ICA1: variants seen among roughly 807,000 people sequenced by gnomAD.
ICA1 encodes islet cell autoantigen 1.
Under a neutral mutation model 71.0 loss-of-function variants are expected in ICA1, and 40 were observed. The ratio of observed to expected loss-of-function variants is 0.56; its 90% CI spans 0.44 to 0.73. ICA1 has a LOEUF of 0.73. Ranked by LOEUF, ICA1 falls within the 30% of genes least tolerant of loss-of-function variation. The pLI is 0.00. For synonymous variants in ICA1, 207 were observed against 209.5 expected, an observed-to-expected ratio of 0.99 and a Z score of 0.10; for missense variants, 578 against 576.5, an observed-to-expected ratio of 1.00 and a Z score of -0.03.
chr7:8,154,093 G>A (rs1399188577), intron 8 of ICA1, among the ~76,000 whole-genome samples: 2 of 151,996 alleles, frequency 1.3e-5, no homozygotes. Flanking sequence ...GAATGTGTCA[G>A]TAAAAGTAGA....
At chr7:8,163,642 G>GCT (rs1412614010) in intron 6 of ICA1, among the ~76,000 whole-genome samples, 1 of 152,342 alleles carries the variant, frequency 6.6e-6, no homozygotes. Context: ...AGGACATGGT[G>GCT]CTCAACCTCT....
intron 1 of ICA1, among the ~76,000 whole-genome samples, chr7:8,254,965 C>T (rs556701350): frequency 3.9e-5 from 6 of 152,224 alleles, no homozygotes; most frequent in East Asian, 1.9e-4. Flanking sequence ...CTTGGCACTG[C>T]GCTGGGCACC....
At chr7:8,216,137 G>A (rs1028693289) in intron 6 of ICA1, among the ~76,000 whole-genome samples, 6 of 152,218 alleles carry the variant, frequency 3.9e-5, no homozygotes, top group Non-Finnish European at 7.3e-5. Flanking sequence ...CAAATGGCGG[G>A]AATGCCCTAC....
chr7:8,196,781 T>C (rs910096912), intron 6 of ICA1, among the ~76,000 whole-genome samples: 1 of 152,216 alleles, frequency 6.6e-6, no homozygotes, highest in African/African-American at 2.4e-5. Context: ...CCTTGAATTG[T>C]AGTAATTCAA....
rs539329801 is a variant in ICA1 at position 8,167,690 on chromosome 7, C to T, written c.580-9038G>A. Reference sequence around the variant, plus strand: ...AATTTTCTTCTCTTTACTTTAATAACGTGGTTTAAATGGGGGGTGGCAAGC... The same window carrying T: ...AATTTTCTTCTCTTTACTTTAATAATGTGGTTTAAATGGGGGGTGGCAAGC... On this transcript the variant is annotated intron_variant, in intron 6 of 13. Transcript: ENST00000402384. Among the ~76,000 whole-genome samples the T allele has an allele frequency of 7.2e-5, 11 of 152,144 alleles. No homozygotes were observed. In the East Asian group the frequency reaches 7.7e-4, roughly 11 times the overall value.
intron 1 of ICA1, among the ~76,000 whole-genome samples, chr7:8,250,750 G>A (rs1807881249): frequency 6.6e-6 from 1 of 152,162 alleles, no homozygotes; most frequent in African/African-American, 2.4e-5. Context: ...AATTTTGTGA[G>A]TCAGCAAATA....
intron 6 of ICA1, 69 bp downstream of exon 6, chr7:8,218,236 G>A (rs1222778017): frequency 2.0e-5 from 27 of 1,342,540 alleles, no homozygotes; most frequent in Non-Finnish European, 2.8e-5. Context: ...CTTCACCAGA[G>A]GGATTCAAAT....
chr7:8,254,627 G>T (rs897320626), intron 1 of ICA1, among the ~76,000 whole-genome samples: 1 of 151,318 alleles, frequency 6.6e-6, no homozygotes, highest in Non-Finnish European at 1.5e-5. Context: ...TATTTTGATG[G>T]GGGTCAGGAA....
intron 4 of ICA1, among the ~76,000 whole-genome samples, chr7:8,225,416 A>G (rs960700957): frequency 6.6e-6 from 1 of 152,196 alleles, no homozygotes; most frequent in Non-Finnish European, 1.5e-5. Context: ...TGTCCTTTCA[A>G]CATATCCTTT....
chr7:8,184,498 G>C (rs904351910), intron 6 of ICA1, among the ~76,000 whole-genome samples: 2 of 152,238 alleles, frequency 1.3e-5, no homozygotes, highest in Admixed American at 6.5e-5. Flanking sequence ...GGTTGGAGAG[G>C]GGAGGAAATT....
rs563739126 is a variant in ICA1 at position 8,144,484 on chromosome 7, C to A, written c.805-512G>T. 2.6e-5 allele frequency among the ~76,000 whole-genome samples: 4 copies of A among 152,134 alleles called. No homozygotes were observed. Among genetic ancestry groups the A allele is most frequent in the Non-Finnish European group, 4.4e-5 (3 of 68,002 alleles). ...GAAAACAAAACCTTTTCTTAAAAAA[C>A]CAAAAATAGTGGCTTAACATATTCT... On this transcript the variant is annotated intron_variant, in intron 8 of 13. Coordinates refer to ENST00000402384, the MANE Select transcript of ICA1 (RefSeq NM_001136020.3). The surrounding 1 kb of genome is among the most constrained non-coding windows in gnomAD (Gnocchi z 4.5).
chr7:8,125,030 C>T (rs564816821), intron 13 of ICA1, among the ~76,000 whole-genome samples: 1 of 152,180 alleles, frequency 6.6e-6, no homozygotes, highest in Non-Finnish European at 1.5e-5. Flanking sequence ...CTCAAGCCAT[C>T]TGCCCACCTC....
At chr7:8,231,091 G>C (rs952731550) in intron 3 of ICA1, among the ~76,000 whole-genome samples, 4 of 151,862 alleles carry the variant, frequency 2.6e-5, no homozygotes, top group Non-Finnish European at 4.4e-5. Context: ...GGGGTAGGTG[G>C]GGAGCAGGGG....
rs1801655248 is a variant in ICA1, at chr7:8,156,754, G to A, written c.804+362C>T. ...TAATTAAAAGTAACTGAGTTTATGG[G>A]ACTTGTACAATCTCCCCTTTAGCAA... On this transcript the variant is annotated intron_variant, in intron 8 of 13. Coordinates refer to ENST00000402384, the MANE Select transcript of ICA1 (RefSeq NM_001136020.3). 2.9e-6 allele frequency: 4 copies of A among 1,357,840 alleles called. No homozygotes were observed. The Admixed American group carries it at 1.3e-4, about 43-fold the overall frequency. 84.1% of individuals were successfully genotyped at this position (1,357,840 alleles called of 1,614,324 possible).
chr7:8,158,370 G>A (rs1229918190), intron 7 of ICA1, 157 bp downstream of exon 7: 10 of 812,362 alleles, frequency 1.2e-5, no homozygotes, highest in Admixed American at 2.6e-5. Context: ...TTGGTTAAAC[G>A]TAGGGCCCTA....
chr7:8,249,293 G>A (rs1346014725), intron 1 of ICA1, among the ~76,000 whole-genome samples: 2 of 152,356 alleles, frequency 1.3e-5, no homozygotes, highest in South Asian at 2.1e-4. Context: ...GGTGGGGAGG[G>A]AAGTGGTATT....
intron 6 of ICA1, among the ~76,000 whole-genome samples, chr7:8,201,133 ACCT>A (rs1419322243): frequency 2.0e-5 from 3 of 152,036 alleles, no homozygotes; most frequent in Non-Finnish European, 4.4e-5. Flanking sequence ...TATGTGCCTG[ACCT>A]CCTCCATTGC....
At chr7:8,136,905 A>C (rs1009534379) in intron 12 of ICA1, among the ~76,000 whole-genome samples, 9 of 152,256 alleles carry the variant, frequency 5.9e-5, no homozygotes, top group Non-Finnish European at 1.3e-4. Flanking sequence ...ATCTTGGCAC[A>C]TGCTTTCGAG....
intron 1 of ICA1, among the ~76,000 whole-genome samples, chr7:8,249,360 TG>T (rs1807317110): frequency 6.6e-6 from 1 of 152,180 alleles, no homozygotes; most frequent in South Asian, 2.1e-4. Flanking sequence ...CTGCCAGTGG[TG>T]TGTGTAACTA....
Sources: allele counts gnomAD v4.1 joint callset (sites outside exome capture counted in the v4.1 genomes callset), GRCh38; gene constraint gnomAD v4.1.1; non-coding constraint Gnocchi (gnomAD v3.1); transcripts MANE v1.5; gene names NCBI Gene and HGNC (gene_info 2026-07-23, HGNC 2026-07-21).